Variants in IKBKB-DT observed in about 807,000 individuals in gnomAD.
The protein encoded by IKBKB-DT is IKBKB antisense RNA.
intron 3 of IKBKB-DT, among the ~76,000 whole-genome samples, chr8:42,251,388 T>C (rs918226550): frequency 6.6e-6 from 1 of 152,072 alleles, no homozygotes; most frequent in Non-Finnish European, 1.5e-5. Flanking sequence ...CTTTCCTCAA[T>C]AGGTTAGTGC....
intron 1 of IKBKB-DT, among the ~76,000 whole-genome samples, chr8:42,268,311 A>AT (rs1477115273): frequency 6.7e-6 from 1 of 148,498 alleles, no homozygotes; most frequent in African/African-American, 2.5e-5. Context: ...ATTTTTTTGT[A>AT]TTTTTAGTAG....
chr8:42,250,498 C>T (rs1807117554), intron 3 of IKBKB-DT, among the ~76,000 whole-genome samples: 1 of 152,170 alleles, frequency 6.6e-6, no homozygotes, highest in African/African-American at 2.4e-5. Context: ...CTGGTGCTCC[C>T]TCATTAGGAT....
chr8:42,238,268 G>A (rs909168298), intron 3 of IKBKB-DT, among the ~76,000 whole-genome samples: 10 of 152,220 alleles, frequency 6.6e-5, no homozygotes, highest in South Asian at 2.1e-4. Flanking sequence ...CAAAAATTAC[G>A]AGAGTGAGAG....
chr8:42,241,365 G>A (rs1307477107), intron 3 of IKBKB-DT, among the ~76,000 whole-genome samples: 4 of 148,846 alleles, frequency 2.7e-5, no homozygotes, highest in Non-Finnish European at 5.9e-5. Context: ...GTTAATTATG[G>A]CACAGTAATA....
At chr8:42,239,521 T>G (rs1392000866) in intron 3 of IKBKB-DT, among the ~76,000 whole-genome samples, 1 of 149,998 alleles carries the variant, frequency 6.7e-6, no homozygotes, top group Admixed American at 6.7e-5. Context: ...AATTACCAAT[T>G]TGAGGCCCAA....
At chr8:42,247,685 G>A (rs1206822541) in intron 3 of IKBKB-DT, among the ~76,000 whole-genome samples, 29 of 152,180 alleles carry the variant, frequency 1.9e-4, no homozygotes, top group Admixed American at 1.9e-3. Context: ...ATTGGATCAT[G>A]GGGGCAGTTT....
At chr8:42,237,603 C>T (rs1411707385) in intron 3 of IKBKB-DT, among the ~76,000 whole-genome samples, 3 of 152,034 alleles carry the variant, frequency 2.0e-5, no homozygotes, top group South Asian at 2.1e-4. Context: ...TGCCAAACGT[C>T]GAAGAAAAAA....
At chr8:42,238,754 C>T (rs1248901916) in intron 3 of IKBKB-DT, among the ~76,000 whole-genome samples, 3 of 152,140 alleles carry the variant, frequency 2.0e-5, no homozygotes, top group Non-Finnish European at 4.4e-5. Flanking sequence ...TCATGACTCA[C>T]CCAGTCCTGT....
At chr8:42,251,828 CAA>C (rs59420104) in intron 3 of IKBKB-DT, among the ~76,000 whole-genome samples, 19 of 91,386 alleles carry the variant, frequency 2.1e-4, no homozygotes, top group South Asian at 3.4e-4. Context: ...GACTCCATCT[CAA>C]AAAAAAAAAA....
chr8:42,246,412 T>C (rs557782076), intron 3 of IKBKB-DT, among the ~76,000 whole-genome samples: 45 of 152,340 alleles, frequency 3.0e-4, no homozygotes, highest in Admixed American at 2.5e-3. Context: ...AGAGTTTCAC[T>C]TTCTATAATA....
At chr8:42,236,754 T>A (rs1806928832) in intron 3 of IKBKB-DT, among the ~76,000 whole-genome samples, 1 of 152,114 alleles carries the variant, frequency 6.6e-6, no homozygotes, top group Admixed American at 6.6e-5. Flanking sequence ...TGAAACTCCA[T>A]CACACACACA....
At chr8:42,247,469 G>A (rs1807077764) in intron 3 of IKBKB-DT, among the ~76,000 whole-genome samples, 1 of 152,172 alleles carries the variant, frequency 6.6e-6, no homozygotes, top group African/African-American at 2.4e-5. Context: ...CCTAATCTCA[G>A]ATGAGACTTT....
chr8:42,245,076 C>G (rs970477839), intron 3 of IKBKB-DT, among the ~76,000 whole-genome samples: 5 of 151,256 alleles, frequency 3.3e-5, no homozygotes, highest in Non-Finnish European at 5.9e-5. Flanking sequence ...GGTGAAACCC[C>G]GTCTCTACTA....
intron 3 of IKBKB-DT, among the ~76,000 whole-genome samples, chr8:42,250,494 C>T (rs1452754791): frequency 6.6e-6 from 1 of 152,210 alleles, no homozygotes. Flanking sequence ...TAGCCTGGTG[C>T]TCCCTCATTA....
At chr8:42,269,762 T>G (rs1807500877) in intron 1 of IKBKB-DT, among the ~76,000 whole-genome samples, 1 of 151,924 alleles carries the variant, frequency 6.6e-6, no homozygotes, top group African/African-American at 2.4e-5. Context: ...TGTCCCTGAG[T>G]TAACTTCAAC....
chr8:42,235,471 C>T (rs1158156292), intron 3 of IKBKB-DT, among the ~76,000 whole-genome samples: 2 of 152,124 alleles, frequency 1.3e-5, no homozygotes, highest in Non-Finnish European at 2.9e-5. Context: ...TCCCATATTG[C>T]TGAGATTACA....
intron 3 of IKBKB-DT, among the ~76,000 whole-genome samples, chr8:42,254,594 T>A (rs1185854878): frequency 7.2e-6 from 1 of 138,020 alleles, no homozygotes; most frequent in Non-Finnish European, 1.5e-5. Context: ...GTCTGGGAAG[T>A]GAGAAGCACC....
At chr8:42,235,954 G>A (rs1042941345) in intron 3 of IKBKB-DT, among the ~76,000 whole-genome samples, 5 of 152,022 alleles carry the variant, frequency 3.3e-5, no homozygotes, top group African/African-American at 1.2e-4. Flanking sequence ...GTGGGGGTTG[G>A]GGGGCGGAGG....
At chr8:42,235,158 C>CTTTTTTTT (rs60779879) in intron 3 of IKBKB-DT, among the ~76,000 whole-genome samples, 1 of 142,066 alleles carries the variant, frequency 7.0e-6, no homozygotes, top group African/African-American at 2.6e-5. Context: ...TTTTTTTTTT[C>CTTTTTTTT]TAACTCTTTT....
Sources: gnomAD v4.1 joint callset for allele counts (sites outside exome capture counted in the v4.1 genomes callset) on GRCh38, gnomAD v4.1.1 for gene constraint, MANE v1.5 for transcripts, NCBI Gene and HGNC (gene_info 2026-07-23, HGNC 2026-07-21) for gene names.